FAM110B: variants seen among roughly 807,000 people sequenced by gnomAD.
FAM110B encodes family with sequence similarity 110 member B.
Under a neutral mutation model 20.4 loss-of-function variants are expected in FAM110B, and 6 were observed. The observed-to-expected ratio is 0.29, with a 90% CI of 0.16 to 0.58. The LOEUF is 0.58. FAM110B is among the 20% of genes least tolerant of loss of function. FAM110B has a pLI of 0.90. For missense variants in FAM110B, 434 were observed against 498.2 expected (o/e 0.87, Z 1.23); for synonymous variants, 226 against 214.1 (o/e 1.06, Z -0.49).
At chr8:58,003,946 C>T (rs1804352117) in intron 1 of FAM110B, among the ~76,000 whole-genome samples, 1 of 152,112 alleles carries the variant, frequency 6.6e-6, no homozygotes, top group Non-Finnish European at 1.5e-5. Context: ...TGACTTCTCC[C>T]TCTAGCTATG....
chr8:58,089,186 G>A lies in FAM110B; in HGVS notation c.-325+13563G>A, dbSNP rs6471681. 4.2e-3 allele frequency among the ~76,000 whole-genome samples: 636 copies of A among 152,318 alleles called. 6 individuals are homozygous for A. The highest frequency in any genetic ancestry group is 0.015 in the African/African-American group (609 of 41,584). On this transcript the variant is annotated intron_variant, in intron 3 of 3. Coordinates refer to ENST00000519262, the MANE Select transcript of FAM110B (RefSeq NM_001377989.1). ...AACTTTAGTGTATATGGATCATAAA[G>A]TATTTCTTCACTTGAAGGTCATCTG...
At chr8:58,132,700 GCT>G (rs1803505795) in intron 3 of FAM110B, among the ~76,000 whole-genome samples, 1 of 152,186 alleles carries the variant, frequency 6.6e-6, no homozygotes, top group South Asian at 2.1e-4. Flanking sequence ...ACAAATGATT[GCT>G]GCTGTGGTTC....
At chr8:58,124,698 TA>T (rs1451691475) in intron 3 of FAM110B, among the ~76,000 whole-genome samples, 1 of 152,178 alleles carries the variant, frequency 6.6e-6, no homozygotes, top group Non-Finnish European at 1.5e-5. Context: ...AGGTGGAACT[TA>T]AACCTAGAAG....
intron 1 of FAM110B, among the ~76,000 whole-genome samples, chr8:58,000,965 T>G (rs943019951): frequency 1.4e-4 from 21 of 152,192 alleles, no homozygotes; most frequent in African/African-American, 5.1e-4. Flanking sequence ...AGAAGAGAAA[T>G]CATTGTGTGG....
At chr8:58,125,655 A>C (rs1002430228) in intron 3 of FAM110B, among the ~76,000 whole-genome samples, 4 of 152,190 alleles carry the variant, frequency 2.6e-5, no homozygotes, top group African/African-American at 9.7e-5. Flanking sequence ...TTATTTTCTC[A>C]ATATTAAAAT....
At chr8:58,007,950 C>G (rs531606192) in intron 1 of FAM110B, among the ~76,000 whole-genome samples, 4 of 151,970 alleles carry the variant, frequency 2.6e-5, no homozygotes, top group Non-Finnish European at 5.9e-5. Context: ...CGTAAAGTAA[C>G]AAAATTCCTG....
At chr8:58,019,139 A>G (rs1220388897) in intron 1 of FAM110B, among the ~76,000 whole-genome samples, 1 of 151,786 alleles carries the variant, frequency 6.6e-6, no homozygotes, top group East Asian at 1.9e-4. Flanking sequence ...GATCGAGACC[A>G]TCCTGGCCAA....
At chr8:58,037,083 AT>A (rs1465575195) in intron 2 of FAM110B, among the ~76,000 whole-genome samples, 2 of 152,160 alleles carry the variant, frequency 1.3e-5, no homozygotes, top group Non-Finnish European at 2.9e-5. Context: ...ACATCAAAGT[AT>A]TGATAGACCC....
At position 58,103,896 on chromosome 8, in the gene FAM110B, G is replaced by A. The variant is rs554443982; in HGVS notation, c.-325+28273G>A. 3.8e-4 allele frequency among the ~76,000 whole-genome samples: 58 copies of A among 152,278 alleles called. No homozygotes were observed. In the South Asian group the frequency reaches 0.012, roughly 31 times the overall value. On this transcript the variant is annotated intron_variant, in intron 3 of 3. Transcript: ENST00000519262. ...TACACTCTAATCTAATTGTCTGGGTGCCTTGCCCAGCTAGAGCACAGTCCC... is the reference window on the plus strand; with the variant it reads ...TACACTCTAATCTAATTGTCTGGGTACCTTGCCCAGCTAGAGCACAGTCCC...
chr8:58,084,169 G>A (rs1290308588), intron 3 of FAM110B, among the ~76,000 whole-genome samples: 1 of 152,158 alleles, frequency 6.6e-6, no homozygotes, highest in Non-Finnish European at 1.5e-5. Context: ...CTTGCTGGCT[G>A]CCATCTGAAT....
chr8:58,113,249 A>T (rs1388115182), intron 3 of FAM110B: 1 of 163,794 alleles, frequency 6.1e-6, no homozygotes, highest in East Asian at 1.5e-4. Flanking sequence ...TGCCTGCTTG[A>T]TGAGATTTGG....
intron 3 of FAM110B, among the ~76,000 whole-genome samples, chr8:58,098,047 G>T (rs1281270856): frequency 1.3e-5 from 2 of 152,214 alleles, no homozygotes; most frequent in Admixed American, 1.3e-4. Flanking sequence ...GGGGCAGTCT[G>T]TCCCTTAGCA....
chr8:58,101,815 C>T (rs894485122), intron 3 of FAM110B, among the ~76,000 whole-genome samples: 2 of 152,062 alleles, frequency 1.3e-5, no homozygotes, highest in African/African-American at 4.8e-5. Context: ...ATTGTTTGTA[C>T]CTCTTGGTAC....
chr8:58,047,167 A>G (rs1805336251), intron 2 of FAM110B, among the ~76,000 whole-genome samples: 1 of 152,222 alleles, frequency 6.6e-6, no homozygotes, highest in Admixed American at 6.5e-5. Flanking sequence ...CTGCTTTCCT[A>G]TGAAAACAGT....
chr8:58,078,135 C>T (rs73241723), intron 3 of FAM110B, among the ~76,000 whole-genome samples: 7,824 of 152,260 alleles, frequency 0.051, 288 homozygotes, highest in South Asian at 0.11. Context: ...AATTCATATG[C>T]ATTATTATCG....
intron 1 of FAM110B, 154 bp from the exon 2 acceptor site, chr8:58,031,452 G>A (rs993923035): frequency 6.6e-6 from 1 of 152,178 alleles, no homozygotes; most frequent in Non-Finnish European, 1.5e-5. Flanking sequence ...TTAGTTTCCT[G>A]GAGCAGCTGA....
chr8:58,070,898 C>G (rs1027799085), intron 2 of FAM110B, among the ~76,000 whole-genome samples: 3 of 152,122 alleles, frequency 2.0e-5, no homozygotes, highest in African/African-American at 7.2e-5. Flanking sequence ...CTTTGTCTCA[C>G]CTTTTGTAGT....
chr8:58,022,826 T>G (rs1020987012), intron 1 of FAM110B, among the ~76,000 whole-genome samples: 1 of 152,178 alleles, frequency 6.6e-6, no homozygotes, highest in African/African-American at 2.4e-5. Context: ...CAATTATACT[T>G]CTAGACAAGA....
rs190511109 is a variant in FAM110B, at chr8:58,063,115, T to C, written c.-413-12420T>C. On this transcript the variant is annotated intron_variant, in intron 2 of 3. Transcript: ENST00000519262. ...TGGTTAACAAAGCTGAGCTGCACCA[T>C]GTAGGCAGGCAGTAGGCCAGATCAG... 1.4e-3 allele frequency among the ~76,000 whole-genome samples: 218 copies of C among 152,284 alleles called. 2 individuals carry two copies. The highest frequency in any genetic ancestry group is 2.4e-3 in the Non-Finnish European group (164 of 68,002).
Sources: gnomAD v4.1 joint callset for allele counts (sites outside exome capture counted in the v4.1 genomes callset) on GRCh38, gnomAD v4.1.1 for gene constraint, MANE v1.5 for transcripts, NCBI Gene and HGNC (gene_info 2026-07-23, HGNC 2026-07-21) for gene names.